PRPF19: variants seen among roughly 807,000 people sequenced by gnomAD.
PRPF19 encodes the protein pre-mRNA processing factor 19.
A neutral mutation model predicts 64.2 loss-of-function variants in PRPF19; 2 were observed. The observed-to-expected ratio is 0.03, with a 90% confidence interval of 0.01 to 0.10. The LOEUF (loss-of-function observed/expected upper bound fraction) is 0.10, where lower values mean the gene tolerates loss of function less well. PRPF19 is among the 10% of genes least tolerant of loss of function. The pLI is 1.00. For missense variants in PRPF19, 314 were observed against 650.0 expected, an observed-to-expected ratio of 0.48 and a Z score of 5.62; for synonymous variants, 226 against 251.6, an observed-to-expected ratio of 0.90 and a Z score of 0.96.
At chr11:60,904,047 T>C (rs545266366) in intron 1 of PRPF19, among the ~76,000 whole-genome samples, 186 bp from the exon 2 acceptor site, 2 of 152,210 alleles carry the variant, frequency 1.3e-5, no homozygotes, top group Non-Finnish European at 2.9e-5. Context: ...AACTACCTTT[T>C]CCTTTAGTCT....
At chr11:60,895,444 G>C (rs911567312) in intron 15 of PRPF19, among the ~76,000 whole-genome samples, 3 of 152,222 alleles carry the variant, frequency 2.0e-5, no homozygotes, top group African/African-American at 4.8e-5. Flanking sequence ...TCAAGAGTTA[G>C]GATCTTGGTC....
chr11:60,903,609 C>T, intron 2 of PRPF19, 74 bp from the exon 3 acceptor site: 2 of 1,590,552 alleles, frequency 1.3e-6, no homozygotes, highest in Non-Finnish European at 1.7e-6. Context: ...TTCCTTTTAG[C>T]CATAAACAGC....
intron 15 of PRPF19, among the ~76,000 whole-genome samples, chr11:60,895,395 CT>C (rs1023812258): frequency 6.6e-6 from 1 of 152,218 alleles, no homozygotes; most frequent in African/African-American, 2.4e-5. Flanking sequence ...TCAAACTTTT[CT>C]TTTGTAGCTT....
rs1437220068 is a variant in PRPF19, at chr11:60,891,269, G to A, written c.1418-6C>T. The A allele has an allele frequency of 1.2e-6, 2 of 1,611,082 alleles. No individual in the cohort carries two copies. The highest frequency in any genetic ancestry group is 1.7e-6 in the Non-Finnish European group (2 of 1,177,920). On this transcript the variant is annotated splice_region_variant and splice_polypyrimidine_tract_variant and intron_variant, in intron 15 of 15. Coordinates refer to ENST00000227524, the MANE Select transcript of PRPF19 (RefSeq NM_014502.5). The stretch of plus-strand genomic sequence containing the variant: ...TGTGGTCAGGCCGCTATGCTCTGAG[G>A]AGAAAGATAAGAGGCAACTGTGAGA...
At chr11:60,891,781 C>T (rs904494969) in intron 15 of PRPF19, among the ~76,000 whole-genome samples, 1 of 152,172 alleles carries the variant, frequency 6.6e-6, no homozygotes, top group Admixed American at 6.5e-5. Context: ...TGGAGTCAAC[C>T]AACTCCCCAT....
At chr11:60,894,826 G>A (rs1400903675) in intron 15 of PRPF19, among the ~76,000 whole-genome samples, 1 of 152,186 alleles carries the variant, frequency 6.6e-6, no homozygotes, top group Non-Finnish European at 1.5e-5. Context: ...GCCGAAGATT[G>A]GATGTTGCAG....
chr11:60,900,303 A>G (rs905540109), intron 10 of PRPF19, among the ~76,000 whole-genome samples: 7 of 152,354 alleles, frequency 4.6e-5, no homozygotes, highest in South Asian at 4.1e-4. Flanking sequence ...TAGGAACACT[A>G]TAAGATTTTT....
chr11:60,899,381 G>A (rs140024854), intron 10 of PRPF19, 77 bp from the exon 11 acceptor site: 18 of 1,449,310 alleles, frequency 1.2e-5, no homozygotes, highest in Non-Finnish European at 1.6e-5. Flanking sequence ...AACGGGGCTG[G>A]GGATGCCCAC....
chr11:60,897,500 A>G (rs1398102325), intron 15 of PRPF19: 1 of 210,106 alleles, frequency 4.8e-6, no homozygotes, highest in East Asian at 1.3e-4. Flanking sequence ...GATCTAATAT[A>G]ATGTGGGCCT....
rs990341293 is a variant in PRPF19 at position 60,900,619 on chromosome 11, G to T, written c.791C>A (p.Thr264Asn). The T allele has an allele frequency of 1.3e-6, 2 of 1,557,374 alleles. No homozygotes were observed. The highest frequency in any genetic ancestry group is 1.4e-5 in the African/African-American group (1 of 73,496). The change falls in exon 10 of 16, where the codon ACC becomes AAC. Residue 264 changes from threonine to asparagine, a missense_variant. Thr to Asn is a moderately conservative substitution (Grantham distance 65). Coordinates refer to ENST00000227524, the MANE Select transcript of PRPF19 (RefSeq NM_014502.5). ...EQILATLKGH[T>N]KKVTSVVFHP... The stretch of plus-strand genomic sequence containing the variant: ...AAACACCACGCTGGTGACCTTCTTG[G>T]TATGGCCTTTGAGGGTAGCCAGGAT...
chr11:60,894,973 T>C (rs1204993755), intron 15 of PRPF19, among the ~76,000 whole-genome samples: 1 of 152,252 alleles, frequency 6.6e-6, no homozygotes, highest in Non-Finnish European at 1.5e-5. Context: ...AACAGATGTG[T>C]TGTCATCCAG....
chr11:60,902,104 G>A lies in PRPF19; in HGVS notation c.525+299C>T, dbSNP rs1565111612. The stretch of plus-strand genomic sequence containing the variant: ...TCAATAACAATAAGAGCTAAAAGGT[G>A]CACTTATCAGTAATGAAATCTTTTA... On this transcript the variant is annotated intron_variant, in intron 6 of 15. Coordinates refer to ENST00000227524, the MANE Select transcript of PRPF19 (RefSeq NM_014502.5). The surrounding 1 kb of genome is among the most constrained non-coding windows in gnomAD (Gnocchi z 5.0). Among the ~76,000 whole-genome samples the A allele has an allele frequency of 6.6e-6, 1 of 152,180 alleles. No individual in the cohort carries two copies. Among genetic ancestry groups the A allele is most frequent in the Admixed American group, 6.5e-5 (1 of 15,278 alleles).
rs1482896685 is a variant in PRPF19 at position 60,891,102 on chromosome 11, C to A, written c.*64G>T. The A allele has an allele frequency of 7.9e-5, 39 of 494,208 alleles. 2 individuals carry two copies. The highest frequency in any genetic ancestry group is 1.0e-4 in the Non-Finnish European group (28 of 272,222). The allele number at this position is 494,208 out of a possible 1,614,324, so 30.6% of individuals were successfully genotyped here. On this transcript the variant is annotated 3_prime_UTR_variant, in exon 16 of 16. Transcript: ENST00000227524. ...CCCCATAGATTCCCCCCACCCCCCCCCCCAAACCCTAATTCTACCCCTCTA... is the reference window on the plus strand; with the variant it reads ...CCCCATAGATTCCCCCCACCCCCCCACCCAAACCCTAATTCTACCCCTCTA...
Position 60,898,692 on chromosome 11 carries a change from G to T in PRPF19, c.1055-66C>A, listed in dbSNP as rs1855947572. 6.2e-7 allele frequency: 1 copy of T among 1,609,576 alleles called. No homozygotes were observed. Among genetic ancestry groups the T allele is most frequent in the Admixed American group, 1.7e-5 (1 of 59,612 alleles). ...AGGGAGAGAGACTAAGAGCAGCAAA[G>T]GTAGGTTCCTTGTTCTTCACATTCC... On this transcript the variant is annotated intron_variant, in intron 12 of 15. Transcript: ENST00000227524. This position sits in a 1 kb window ranked among gnomAD's most constrained non-coding sequence, Gnocchi z 4.6.
intron 15 of PRPF19, 140 bp from the exon 16 acceptor site, chr11:60,891,403 C>G: frequency 1.5e-6 from 1 of 655,770 alleles, no homozygotes; most frequent in South Asian, 1.8e-5. Flanking sequence ...TTTGTTTTCC[C>G]TAGGCTGACC....
intron 7 of PRPF19, 31 bp from the exon 8 acceptor site, chr11:60,901,400 C>G (rs772006928): frequency 1.2e-6 from 2 of 1,614,046 alleles, no homozygotes; most frequent in East Asian, 2.2e-5. Flanking sequence ...CAAAGAAGAG[C>G]AGCAATGAAT....
In PRPF19 at chr11:60,898,381, C is replaced by G; in HGVS notation, c.1141-110G>C. The G allele has an allele frequency of 6.6e-7, 1 of 1,513,186 alleles. No homozygotes were observed. Among genetic ancestry groups the G allele is most frequent in the Non-Finnish European group, 8.9e-7 (1 of 1,122,306 alleles). 93.7% of individuals were successfully genotyped at this position (1,513,186 alleles called of 1,614,324 possible). ...GTCCCTCACGTCCTTCCAGGAAGGA[C>G]AGCCAGCGGGACCCCCCAGACCACA... is the stretch of plus-strand genomic sequence containing the variant. On this transcript the variant is annotated intron_variant, in intron 13 of 15. Transcript: ENST00000227524. The surrounding 1 kb of genome is among the most constrained non-coding windows in gnomAD (Gnocchi z 4.6).
Position 60,903,628 on chromosome 11 carries a change from T to C in PRPF19, c.169+84A>G, listed in dbSNP as rs546130379. The C allele has an allele frequency of 2.0e-5, 32 of 1,586,178 alleles. No homozygotes were observed. The South Asian group carries it at 2.7e-4, about 14-fold the overall frequency. On this transcript the variant is annotated intron_variant, in intron 2 of 15. Coordinates refer to ENST00000227524, the MANE Select transcript of PRPF19 (RefSeq NM_014502.5). ...TTTTAGCCATAAACAGCCCACCATC[T>C]CTTCCTCCAGTGCACTGGCACCACC...
chr11:60,897,819 T>C (rs759536653), intron 15 of PRPF19, 27 bp downstream of exon 15: 1 of 1,591,892 alleles, frequency 6.3e-7, no homozygotes, highest in Non-Finnish European at 8.6e-7. Context: ...CCTAGAGAGA[T>C]CCCAGGAGCC....
Sources: gnomAD v4.1 joint callset for allele counts (sites outside exome capture counted in the v4.1 genomes callset) on GRCh38, gnomAD v4.1.1 for gene constraint, Gnocchi (gnomAD v3.1) non-coding constraint, MANE v1.5 for transcripts, NCBI Gene and HGNC (gene_info 2026-07-23, HGNC 2026-07-21) for gene names.